SLC6A7: variants seen among roughly 807,000 people sequenced by gnomAD.
SLC6A7 encodes the protein sodium-dependent proline transporter.
A neutral mutation model predicts 73.1 loss-of-function variants in SLC6A7; 58 were observed. The observed-to-expected ratio is 0.79, with a 90% CI of 0.64 to 0.99. The LOEUF is 0.99. Ranked by LOEUF, SLC6A7 falls within the 50% of genes least tolerant of loss-of-function variation. The pLI, the probability that SLC6A7 is intolerant of heterozygous loss-of-function variation, is 0.00. For synonymous variants in SLC6A7, 338 were observed against 338.7 expected (o/e 1.00, Z 0.02); for missense variants, 783 against 831.4 (o/e 0.94, Z 0.72).
At chr5:150,194,178 C>T (rs1282350745) in intron 1 of SLC6A7, among the ~76,000 whole-genome samples, 1 of 152,142 alleles carries the variant, frequency 6.6e-6, no homozygotes, top group African/African-American at 2.4e-5. Context: ...GCCTGTAATC[C>T]CAGCACTTTG....
Position 150,210,228 on chromosome 5 carries a change from G to C in SLC6A7, c.*613G>C. On this transcript the variant is annotated 3_prime_UTR_variant, in exon 14 of 14. Transcript: ENST00000230671. ...GCTGAGGGCCCTGGAGGATGGGGAA[G>C]GTTTGCAGAGAGAGGAAGAAGAGGG... 6.2e-6 allele frequency: 1 copy of C among 161,490 alleles called. No homozygotes were observed. The highest frequency in any genetic ancestry group is 2.4e-5 in the African/African-American group (1 of 41,896). 10.0% of individuals were successfully genotyped at this position (161,490 alleles called of 1,614,324 possible).
chr5:150,204,268 A>G (rs1753562984), intron 10 of SLC6A7, among the ~76,000 whole-genome samples: 1 of 152,190 alleles, frequency 6.6e-6, no homozygotes, highest in Non-Finnish European at 1.5e-5. Context: ...TGACTCCTGC[A>G]CTTGCTGAGG....
In SLC6A7 at chr5:150,199,895, C is replaced by T. The variant is rs115455072; in HGVS notation, c.723+529C>T. Among the ~76,000 whole-genome samples, 597 of 152,260 alleles carry T rather than the reference C, an allele frequency of 3.9e-3. 6 individuals carry two copies. Among genetic ancestry groups the T allele is most frequent in the African/African-American group, 0.014 (572 of 41,556 alleles). ...GTGAGGTCACCCTAGCAGCTCTAGG[C>T]GTACATCTAAGCTTGGTAAAGGGTT... On this transcript the variant is annotated intron_variant, in intron 5 of 13. Coordinates refer to ENST00000230671, the MANE Select transcript of SLC6A7 (RefSeq NM_014228.5).
At chr5:150,193,585 T>A (rs1752881076) in intron 1 of SLC6A7, among the ~76,000 whole-genome samples, 1 of 152,106 alleles carries the variant, frequency 6.6e-6, no homozygotes. Context: ...GAGTCAGATC[T>A]CCTTGGTTCT....
intron 12 of SLC6A7, 110 bp downstream of exon 12, chr5:150,205,037 G>A (rs1425677276): frequency 4.5e-6 from 3 of 661,266 alleles, no homozygotes; most frequent in Non-Finnish European, 8.0e-6. Flanking sequence ...GTGGAGGGCT[G>A]TGGGGTGGCC....
At chr5:150,199,136 A>C in intron 4 of SLC6A7, 92 bp from the exon 5 acceptor site, 1 of 1,461,086 alleles carries the variant, frequency 6.8e-7, no homozygotes, top group South Asian at 1.5e-5. Flanking sequence ...GGAGAACAGC[A>C]GTAGAGCCTT....
In SLC6A7 at chr5:150,196,845, A is replaced by C. The variant is rs757377200; in HGVS notation, c.347A>C (p.Lys116Thr). 1.2e-6 allele frequency: 2 copies of C among 1,613,850 alleles called. No homozygotes were observed. Among genetic ancestry groups the C allele is most frequent in the East Asian group, 4.5e-5 (2 of 44,866 alleles). Residue 116 changes from lysine to threonine, a missense_variant and splice_region_variant, in exon 3 of 14, where the codon AAA becomes ACA. By Grantham distance (78) the Lys-to-Thr change is moderately conservative. Transcript: ENST00000230671. ...GTCTGGAAAATCAGCCCTCTCTTCAAAGGTGAGGCCTCAGTGGTCCCCAGG... is the reference window on the plus strand; with the variant it reads ...GTCTGGAAAATCAGCCCTCTCTTCACAGGTGAGGCCTCAGTGGTCCCCAGG... ...LAVWKISPLF[K>T]GAGAAMLLIV... is the part of the protein sequence containing the mutation.
intron 2 of SLC6A7, among the ~76,000 whole-genome samples, chr5:150,195,888 T>C (rs151147491): frequency 1.8e-4 from 28 of 152,338 alleles, no homozygotes; most frequent in African/African-American, 6.7e-4. Flanking sequence ...TCTTCCTCTC[T>C]GTGTGCTGAC....
chr5:150,202,409 C>T lies in SLC6A7; in HGVS notation c.921C>T (p.Leu307=), dbSNP rs151201537. 504 of 1,614,134 alleles carry T rather than the reference C, an allele frequency of 3.1e-4. 4 individuals carry two copies. The highest frequency in any genetic ancestry group is 3.0e-4 in the South Asian group (27 of 91,080). ...TGGGTGTGGGCTTCGGGGGGCTCCT[C>T]ACCTTTGCCTCCTACAACACGTTTC... The part of the protein sequence containing the change: ...YSLGVGFGGL[L]TFASYNTFHQ... Residue 307 remains leucine, a synonymous_variant, in exon 7 of 14, where the codon CTC becomes CTT. Coordinates refer to ENST00000230671, the MANE Select transcript of SLC6A7 (RefSeq NM_014228.5).
chr5:150,209,327 G>T (rs1580876913), intron 13 of SLC6A7, 79 bp from the exon 14 acceptor site: 6 of 1,207,022 alleles, frequency 5.0e-6, no homozygotes, highest in Non-Finnish European at 7.3e-6. Flanking sequence ...TCAGGTGTTT[G>T]CTGGGTGTCT....
rs1418957936 is a variant in SLC6A7, at chr5:150,194,855, G to T, written c.161G>T (p.Cys54Phe). Reference sequence around the variant, plus strand: ...TTCCTGCTGTCCTGCATTGGCTACTGTGTAGGCCTGGGGAATGTCTGGCGC... The same window carrying T: ...TTCCTGCTGTCCTGCATTGGCTACTTTGTAGGCCTGGGGAATGTCTGGCGC... ...LDFLLSCIGY[C>F]VGLGNVWRFP... The change falls in exon 2 of 14, where the codon TGT (cysteine) becomes TTT (phenylalanine). Residue 54 changes from cysteine (C) to phenylalanine (F), a missense_variant. By Grantham distance (205) the Cys-to-Phe change is radical (BLOSUM62 -2). Coordinates refer to ENST00000230671, the MANE Select transcript of SLC6A7 (RefSeq NM_014228.5). 1 of 1,614,188 alleles carries T rather than the reference G, an allele frequency of 6.2e-7. No homozygotes were observed. Among genetic ancestry groups the T allele is most frequent in the East Asian group, 2.2e-5 (1 of 44,884 alleles).
intron 13 of SLC6A7, among the ~76,000 whole-genome samples, chr5:150,207,483 C>CCG (rs1753759512): frequency 6.6e-6 from 1 of 152,182 alleles, no homozygotes. Context: ...CTCAAGTGAT[C>CCG]CGCGCACTTC....
At chr5:150,195,146 T>G in intron 2 of SLC6A7, 6 of 470,386 alleles carry the variant, frequency 1.3e-5, no homozygotes, top group East Asian at 3.4e-5. Context: ...ACCCACATGG[T>G]TCCCTCTCTA....
Position 150,205,607 on chromosome 5 carries a change from AG to A in SLC6A7, c.1688del (p.Gly563AlafsTer42). On this transcript the variant is annotated frameshift_variant, in exon 13 of 14. Transcript: ENST00000230671. LOFTEE classifies it high-confidence loss of function. Reference sequence around the variant, plus strand: ...ATGCTGGTGGCTGTGCTTCGAGAAGAGGGCTCACTCTGGGAGGTGAGTCTGC... The same window carrying A: ...ATGCTGGTGGCTGTGCTTCGAGAAGAGGCTCACTCTGGGAGGTGAGTCTGC... ...AGMLVAVLRE[E>X]GSLWERLQQA... 1 of 1,610,834 alleles carries A rather than the reference AG, an allele frequency of 6.2e-7. No homozygotes were observed.
intron 4 of SLC6A7, among the ~76,000 whole-genome samples, chr5:150,198,111 G>GA (rs869248679): frequency 2.2e-5 from 2 of 90,270 alleles, no homozygotes; most frequent in African/African-American, 1.5e-4. Context: ...AAGAAAGAAA[G>GA]AAAGAGAAAG....
chr5:150,208,926 G>A (rs557022318), intron 13 of SLC6A7, among the ~76,000 whole-genome samples: 38 of 152,288 alleles, frequency 2.5e-4, no homozygotes, highest in African/African-American at 8.4e-4. Context: ...CAGTTCTCCC[G>A]GTTCATGGCT....
chr5:150,196,869 G>T, intron 3 of SLC6A7, 22 bp downstream of exon 3: 2 of 1,610,524 alleles, frequency 1.2e-6, no homozygotes, highest in South Asian at 2.2e-5. Flanking sequence ...GTGGTCCCCA[G>T]GGAGGGAAGG....
At chr5:150,201,985 A>G (rs985784019) in intron 6 of SLC6A7, among the ~76,000 whole-genome samples, 3 of 152,216 alleles carry the variant, frequency 2.0e-5, no homozygotes, top group African/African-American at 7.2e-5. Flanking sequence ...GTCCAAATCC[A>G]GGTGCCAGGA....
chr5:150,197,626 A>G (rs550963048), intron 4 of SLC6A7, among the ~76,000 whole-genome samples: 1 of 152,162 alleles, frequency 6.6e-6, no homozygotes, highest in African/African-American at 2.4e-5. Context: ...GATGATGATG[A>G]TAACAGTAAT....
Sources: gnomAD v4.1 joint callset for allele counts (sites outside exome capture counted in the v4.1 genomes callset) on GRCh38, gnomAD v4.1.1 for gene constraint, MANE v1.5 for transcripts, NCBI Gene and HGNC (gene_info 2026-07-23, HGNC 2026-07-21) for gene names.